Variants in IFIH1 observed in about 807,000 individuals in gnomAD.
IFIH1 encodes interferon induced with helicase C domain 1.
IFIH1 carries 125 observed loss-of-function variants against 107.4 expected under a neutral mutation model. The ratio of observed to expected loss-of-function variants is 1.16; its 90% CI spans 1.01 to 1.35. The LOEUF is 1.35. Ranked by LOEUF, IFIH1 falls within the 40% of genes most tolerant of loss-of-function variation. The probability of loss-of-function intolerance (pLI) is 0.00; values close to 1 mark genes in which losing one functional copy is unlikely to be tolerated. For missense variants in IFIH1, 1,333 were observed against 1,213.7 expected, an observed-to-expected ratio of 1.10 and a Z score of -1.46; for synonymous variants, 458 against 413.2, an observed-to-expected ratio of 1.11 and a Z score of -1.31.
chr2:162,311,533 T>C (rs1044628211), intron 1 of IFIH1, among the ~76,000 whole-genome samples: 6 of 152,166 alleles, frequency 3.9e-5, no homozygotes, highest in Non-Finnish European at 8.8e-5. Flanking sequence ...GGGAAATTTA[T>C]TGTTATATCT....
At chr2:162,298,246 C>T (rs1683129557) in intron 3 of IFIH1, among the ~76,000 whole-genome samples, 2 of 152,118 alleles carry the variant, frequency 1.3e-5, no homozygotes, top group Admixed American at 1.3e-4. Context: ...GGTAGTACCT[C>T]TTCTATTTTT....
intron 3 of IFIH1, among the ~76,000 whole-genome samples, chr2:162,305,842 T>G (rs1576236979): frequency 1.3e-5 from 2 of 152,218 alleles, no homozygotes; most frequent in East Asian, 3.9e-4. Flanking sequence ...CTCCGTCTTT[T>G]GCATCTGTAC....
intron 13 of IFIH1, among the ~76,000 whole-genome samples, chr2:162,271,713 T>C (rs979500834): frequency 2.0e-4 from 31 of 152,342 alleles, no homozygotes; most frequent in African/African-American, 6.7e-4. Context: ...TGATATATTA[T>C]ATTTCTTGTC....
At chr2:162,292,965 G>A (rs1191387744) in intron 4 of IFIH1, among the ~76,000 whole-genome samples, 1 of 151,892 alleles carries the variant, frequency 6.6e-6, no homozygotes, top group African/African-American at 2.4e-5. Context: ...TAATTAAGGT[G>A]TGGGGAATTA....
rs764997624 is a variant in IFIH1 at position 162,306,853 on chromosome 2, T to C, written c.625A>G (p.Ile209Val). 2 of 1,613,204 alleles carry C rather than the reference T, an allele frequency of 1.2e-6. No homozygotes were observed. The highest frequency in any genetic ancestry group is 1.7e-6 in the Non-Finnish European group (2 of 1,179,412). Reference protein sequence around the residue: ...GSDCSESNAEIENLSQVDGPQ... With the variant: ...GSDCSESNAEVENLSQVDGPQ... ...CCATCAACTTGTGATAAATTCTCAA[T>C]CTCTGTGAATAACAGTATTAGAATG... The change falls in exon 3 of 16, where the codon ATT becomes GTT. Residue 209 changes from isoleucine to valine, a missense_variant and splice_region_variant. Physicochemically the swap from Ile to Val is conservative, Grantham distance 29. Transcript: ENST00000649979.
chr2:162,282,368 G>A lies in IFIH1; in HGVS notation c.1304C>T (p.Ser435Leu). The change falls in exon 6 of 16, where the codon TCA (serine) becomes TTA (leucine). Residue 435 changes from serine to leucine, a missense_variant and splice_region_variant. Coordinates refer to ENST00000649979, the MANE Select transcript of IFIH1 (RefSeq NM_022168.4). ...AAAAAATAAACACTTAAACTGACCT[G>A]ACAATTGAACACCAGCATCTTCTCC... ...ENGEDAGVQL[S>L]DFSLIIIDEC... is the part of the protein sequence containing the mutation. The A allele has an allele frequency of 6.2e-7, 1 of 1,601,446 alleles. No homozygotes were observed. The highest frequency in any genetic ancestry group is 1.7e-4 in the Middle Eastern group (1 of 6,020).
intron 4 of IFIH1, among the ~76,000 whole-genome samples, chr2:162,289,323 CTT>C (rs1229169219): frequency 6.6e-6 from 1 of 151,172 alleles, no homozygotes; most frequent in African/African-American, 2.4e-5. Flanking sequence ...TATAATATGT[CTT>C]GTTTTAGATA....
At chr2:162,308,433 G>A (rs550086876) in intron 2 of IFIH1, among the ~76,000 whole-genome samples, 1 of 149,872 alleles carries the variant, frequency 6.7e-6, no homozygotes, top group African/African-American at 2.5e-5. Flanking sequence ...AGGCCAGAGT[G>A]CAGTGGCATG....
chr2:162,317,783 G>A, intron 1 of IFIH1, 72 bp downstream of exon 1: 1 of 1,257,738 alleles, frequency 8.0e-7, no homozygotes, highest in South Asian at 1.5e-5. Context: ...ATTTGGAAAG[G>A]GGCAAACGCA....
rs745937740 is a variant in IFIH1 at position 162,277,607 on chromosome 2, G to A, written c.1852C>T (p.Arg618Ter). Residue 618 changes from arginine (R) to a stop codon, truncating the protein, a stop_gained, in exon 10 of 16, where the codon CGA becomes TGA. Coordinates refer to ENST00000649979, the MANE Select transcript of IFIH1 (RefSeq NM_022168.4). LOFTEE classifies it high-confidence loss of function. ...AGATGAGTATACGCATCTATCATTC[G>A]AATTGTGTCATTAATTTGTAGGGCC... ...NEALQINDTI[R>*]MIDAYTHLET... The A allele has an allele frequency of 1.4e-5, 23 of 1,612,890 alleles. No individual in the cohort carries two copies. Among genetic ancestry groups the A allele is most frequent in the African/African-American group, 2.7e-5 (2 of 74,822 alleles).
In IFIH1 at chr2:162,280,087, G is replaced by A. The variant is rs2105200508; in HGVS notation, c.1550C>T (p.Thr517Ile). ...LKLCANLDAF[T>I]IKTVKENLDQ... is the part of the protein sequence containing the mutation. The stretch of plus-strand genomic sequence containing the variant: ...AAGGTTTTCTTTAACAGTTTTAATA[G>A]TAAATGCATCAAGATTGGCACATAG... Residue 517 changes from threonine (T) to isoleucine (I), a missense_variant, in exon 8 of 16, where the codon ACT becomes ATT. By Grantham distance (89) the Thr-to-Ile change is moderately conservative. Coordinates refer to ENST00000649979, the MANE Select transcript of IFIH1 (RefSeq NM_022168.4). 3 of 1,593,892 alleles carry A rather than the reference G, an allele frequency of 1.9e-6. No individual in the cohort carries two copies. Among genetic ancestry groups the A allele is most frequent in the South Asian group, 1.1e-5 (1 of 90,304 alleles).
chr2:162,298,416 C>A (rs1293777184), intron 3 of IFIH1, among the ~76,000 whole-genome samples: 1 of 152,190 alleles, frequency 6.6e-6, no homozygotes, highest in Non-Finnish European at 1.5e-5. Context: ...GCACCAACTG[C>A]TCCTGTTCTC....
intron 3 of IFIH1, among the ~76,000 whole-genome samples, chr2:162,295,313 T>C (rs559475207): frequency 1.3e-5 from 2 of 152,166 alleles, no homozygotes; most frequent in South Asian, 4.1e-4. Context: ...GTAGCCTTTA[T>C]GTCTGTCTTT....
intron 3 of IFIH1, among the ~76,000 whole-genome samples, chr2:162,302,759 C>A (rs1683214751): frequency 6.6e-6 from 1 of 152,200 alleles, no homozygotes; most frequent in Non-Finnish European, 1.5e-5. Flanking sequence ...GGAATGACAG[C>A]AGCAGTCTAA....
At chr2:162,294,252 A>G (rs1683047428) in intron 3 of IFIH1, among the ~76,000 whole-genome samples, 1 of 151,972 alleles carries the variant, frequency 6.6e-6, no homozygotes, top group African/African-American at 2.4e-5. Context: ...GTTTTTCTTT[A>G]CTATAATTAG....
In IFIH1 at chr2:162,318,407, A is replaced by G. The variant is rs2105239003; in HGVS notation, c.-100T>C. On this transcript the variant is annotated 5_prime_UTR_variant, in exon 1 of 16. Transcript: ENST00000649979. ...GTGCCGCTGTCCGCTGCCCACTTAG[A>G]GAAGCAGGGTCTACCGCTCTGTGCC... 1 of 973,724 alleles carries G rather than the reference A, an allele frequency of 1.0e-6. No homozygotes were observed. The allele number at this position is 973,724 out of a possible 1,614,324, so 60.3% of individuals were successfully genotyped here. A position where few individuals can be genotyped will look rare whatever the true frequency, so the allele number is the denominator to read the frequency against.
chr2:162,271,792 T>C (rs1319119323), intron 13 of IFIH1, among the ~76,000 whole-genome samples: 2 of 152,188 alleles, frequency 1.3e-5, no homozygotes, highest in Non-Finnish European at 1.5e-5. Context: ...ATAAACTTCG[T>C]GCAGCAGGAG....
rs1649189149 is a variant in IFIH1 at position 162,276,709 on chromosome 2, C to T, written c.2282G>A (p.Ser761Asn). The change falls in exon 11 of 16, where the codon AGT becomes AAT. Residue 761 changes from serine to asparagine, a missense_variant. By Grantham distance (46) the Ser-to-Asn change is conservative. Coordinates refer to ENST00000649979, the MANE Select transcript of IFIH1 (RefSeq NM_022168.4). The part of the protein sequence containing the change: ...AHHLIGAGHS[S>N]EFKPMTQNEQ... ...TACCTGTGTCATGGGTTTGAACTCA[C>T]TGCTGTGTCCAGCTCCAATCAGATG... is the stretch of plus-strand genomic sequence containing the variant. The T allele has an allele frequency of 3.7e-6, 6 of 1,613,630 alleles. No individual in the cohort carries two copies. Among genetic ancestry groups the T allele is most frequent in the African/African-American group, 1.3e-5 (1 of 74,926 alleles).
intron 6 of IFIH1, among the ~76,000 whole-genome samples, chr2:162,281,926 G>A (rs972042394): frequency 2.0e-5 from 3 of 151,924 alleles, no homozygotes; most frequent in African/African-American, 7.2e-5. Context: ...ATTACATCAA[G>A]TGAAAAACAC....
Sources: gnomAD v4.1 joint callset for allele counts (sites outside exome capture counted in the v4.1 genomes callset) on GRCh38, gnomAD v4.1.1 for gene constraint, MANE v1.5 for transcripts, NCBI Gene and HGNC (gene_info 2026-07-23, HGNC 2026-07-21) for gene names.